GABRA3: variants seen among roughly 807,000 people sequenced by gnomAD.
GABRA3 encodes the protein gamma-aminobutyric acid receptor subunit alpha-3.
In GABRA3, 10 loss-of-function variants were observed where a neutral mutation model predicts 30.1. That is an observed-to-expected ratio of 0.33 (90% CI 0.20 to 0.56). The LOEUF (loss-of-function observed/expected upper bound fraction) is 0.56. GABRA3 is among the 20% of genes least tolerant of loss of function. The pLI, the probability that GABRA3 is intolerant of heterozygous loss-of-function variation, is 0.89. For synonymous variants in GABRA3, 151 were observed against 146.8 expected, an observed-to-expected ratio of 1.03 and a Z score of -0.21; for missense variants, 233 against 392.0, an observed-to-expected ratio of 0.59 and a Z score of 3.42.
intron 3 of GABRA3, among the ~76,000 whole-genome samples, chrX:152,286,464 G>A (rs2124440571): frequency 9.0e-6 from 1 of 111,077 alleles, no homozygotes; most frequent in South Asian, 3.8e-4. Flanking sequence ...TAGTAACACA[G>A]CTAACAGGAG....
chrX:152,363,231 G>A (rs1928559811), intron 2 of GABRA3, among the ~76,000 whole-genome samples: 1 of 111,876 alleles, frequency 8.9e-6, no homozygotes, highest in South Asian at 3.7e-4. Context: ...TATCACAAAG[G>A]TCTTTGATGT....
chrX:152,392,121 G>T (rs1556791328), intron 1 of GABRA3: 5 of 330,714 alleles, frequency 1.5e-5, no homozygotes, highest in South Asian at 1.4e-4. Flanking sequence ...TACACTGATG[G>T]TGCCATGCTT....
chrX:152,198,772 C>T (rs1341854552), intron 7 of GABRA3, among the ~76,000 whole-genome samples: 1 of 112,129 alleles, frequency 8.9e-6, no homozygotes, highest in Non-Finnish European at 1.9e-5. Context: ...TGGCAATTCT[C>T]ATCCAGCCTG....
intron 1 of GABRA3, among the ~76,000 whole-genome samples, chrX:152,426,253 C>T (rs777823740): frequency 9.9e-5 from 11 of 111,219 alleles, no homozygotes; most frequent in Non-Finnish European, 1.9e-4. Context: ...TCCTCATATG[C>T]GAATAGTGGA....
At position 152,255,989 on chromosome X, in the gene GABRA3, T is replaced by C; in HGVS notation, c.340A>G (p.Ile114Val). 1 of 1,191,708 alleles carries C rather than the reference T, an allele frequency of 8.4e-7. No homozygotes were observed. The change falls in exon 5 of 10, where the codon ATT becomes GTT. Residue 114 changes from isoleucine (I) to valine (V), a missense_variant. Coordinates refer to ENST00000370314, the MANE Select transcript of GABRA3 (RefSeq NM_000808.4). ...CATGTCTGCCGAAAAAATACATCAA[T>C]AGTGTACTCCTAGGGGTGAAAAGAG... is the stretch of plus-strand genomic sequence containing the variant. ...PVSDTDMEYT[I>V]DVFFRQTWHD...
intron 1 of GABRA3, among the ~76,000 whole-genome samples, chrX:152,365,646 G>A (rs1569409133): frequency 1.8e-5 from 2 of 111,532 alleles, no homozygotes; most frequent in Non-Finnish European, 3.8e-5. Flanking sequence ...AGAAAATGGA[G>A]GGATATATAA....
intron 6 of GABRA3, among the ~76,000 whole-genome samples, chrX:152,224,442 A>G (rs886722981): frequency 8.9e-6 from 1 of 112,112 alleles, no homozygotes; most frequent in African/African-American, 3.2e-5. Context: ...CTGTGACTGT[A>G]TTTTATATCA....
At chrX:152,193,409 A>G (rs1023112533) in intron 8 of GABRA3, among the ~76,000 whole-genome samples, 2 of 111,677 alleles carry the variant, frequency 1.8e-5, no homozygotes, top group African/African-American at 6.5e-5. Flanking sequence ...TATTGATATT[A>G]CCTAATTTGT....
intron 9 of GABRA3, among the ~76,000 whole-genome samples, chrX:152,183,156 T>C (rs1385572085): frequency 9.1e-6 from 1 of 109,874 alleles, no homozygotes; most frequent in Non-Finnish European, 1.9e-5. Flanking sequence ...CTTTAAGTGC[T>C]CGGTAGAATT....
At chrX:152,379,143 C>T (rs1391868728) in intron 1 of GABRA3, among the ~76,000 whole-genome samples, 1 of 111,184 alleles carries the variant, frequency 9.0e-6, no homozygotes, top group Non-Finnish European at 1.9e-5. Context: ...GAATACCATA[C>T]CCATTGATGG....
chrX:152,388,397 G>A (rs758569997), intron 1 of GABRA3, among the ~76,000 whole-genome samples: 1 of 111,514 alleles, frequency 9.0e-6, no homozygotes, highest in African/African-American at 3.3e-5. Context: ...CATTACCATT[G>A]AATTGCATAA....
At chrX:152,292,163 G>T (rs1438758350) in intron 3 of GABRA3, among the ~76,000 whole-genome samples, 1 of 111,251 alleles carries the variant, frequency 9.0e-6, no homozygotes, top group African/African-American at 3.3e-5. Flanking sequence ...TTTTTAGTTG[G>T]TAGGCTATTA....
intron 9 of GABRA3, 130 bp from the exon 10 acceptor site, chrX:152,168,693 G>A (rs1936967653): frequency 2.1e-6 from 1 of 484,536 alleles, no homozygotes; most frequent in Non-Finnish European, 3.6e-6. Context: ...GGGCCATGTA[G>A]CCAATAGCAC....
intron 1 of GABRA3, among the ~76,000 whole-genome samples, chrX:152,410,355 A>T (rs778832318): frequency 4.5e-5 from 5 of 111,111 alleles, no homozygotes; most frequent in Admixed American, 9.6e-5. Context: ...ATTTTTAAAT[A>T]AAAAAAAGTG....
intron 8 of GABRA3, among the ~76,000 whole-genome samples, chrX:152,190,279 G>C (rs916420313): frequency 4.8e-4 from 53 of 109,565 alleles, no homozygotes; most frequent in African/African-American, 1.7e-3. Context: ...ACTAGCTCAC[G>C]AACTGAAATC....
chrX:152,283,863 A>T (rs1939241937), intron 4 of GABRA3, among the ~76,000 whole-genome samples: 1 of 112,404 alleles, frequency 8.9e-6, no homozygotes, highest in African/African-American at 3.2e-5. Flanking sequence ...TTTGCTTGCA[A>T]CACAAAGTCA....
At chrX:152,360,712 TAAAA>T (rs1290227612) in intron 2 of GABRA3, among the ~76,000 whole-genome samples, 2 of 31,501 alleles carry the variant, frequency 6.3e-5, no homozygotes, top group African/African-American at 2.6e-4. Flanking sequence ...AAAAAAAAAT[TAAAA>T]AAAAAAAATT....
rs755221047 is a variant in GABRA3 at position 152,293,260 on chromosome X, G to A, written c.263-8525C>T. On this transcript the variant is annotated intron_variant, in intron 3 of 9. Transcript: ENST00000370314. ...CTGTATTGGGTGCATATATATTTAG[G>A]ATACTTAGCTCTTCTTGTTGAATGG... Among the ~76,000 whole-genome samples the A allele has an allele frequency of 2.7e-5, 3 of 111,465 alleles. No individual in the cohort carries two copies. The East Asian group carries it at 8.4e-4, about 31-fold the overall frequency.
chrX:152,216,556 G>A (rs1244107361), intron 6 of GABRA3, among the ~76,000 whole-genome samples: 2 of 109,121 alleles, frequency 1.8e-5, no homozygotes, highest in African/African-American at 3.3e-5. Context: ...AAAGACAAAT[G>A]TTGCATTGTA....
Sources: allele counts gnomAD v4.1 joint callset (sites outside exome capture counted in the v4.1 genomes callset), GRCh38; gene constraint gnomAD v4.1.1; transcripts MANE v1.5; gene names NCBI Gene and HGNC (gene_info 2026-07-23, HGNC 2026-07-21).